Variants in FLNB observed in about 807,000 individuals in gnomAD.
FLNB encodes filamin-B.
Under a neutral mutation model 250.6 loss-of-function variants are expected in FLNB, and 111 were observed. The ratio of observed to expected loss-of-function variants is 0.44; its 90% CI spans 0.38 to 0.52. The LOEUF is 0.52. Among genes scored for constraint, FLNB ranks in the 20% least tolerant of loss-of-function variants. The pLI is 0.00. For synonymous variants in FLNB, 1,302 were observed against 1,372.1 expected (o/e 0.95, Z 1.13); for missense variants, 2,869 against 3,447.8 (o/e 0.83, Z 4.20).
chr3:58,080,760 G>C (rs1247650067), intron 3 of FLNB, among the ~76,000 whole-genome samples: 6 of 150,308 alleles, frequency 4.0e-5, no homozygotes, highest in Non-Finnish European at 8.9e-5. Context: ...CCAAAGTGCT[G>C]GGATTACAGG....
chr3:58,133,097 A>G (rs1001165966), intron 26 of FLNB, among the ~76,000 whole-genome samples, 166 bp downstream of exon 26: 6 of 151,594 alleles, frequency 4.0e-5, no homozygotes, highest in Admixed American at 6.6e-5. Context: ...CCATCAGTCC[A>G]TCCATCCATC....
chr3:58,026,210 C>T (rs1420477345), intron 1 of FLNB, among the ~76,000 whole-genome samples: 1 of 152,178 alleles, frequency 6.6e-6, no homozygotes, highest in Non-Finnish European at 1.5e-5. Context: ...GCCAGGGTTA[C>T]ATCCTCCATG....
intron 24 of FLNB, among the ~76,000 whole-genome samples, chr3:58,129,156 A>G (rs1229405028): frequency 6.6e-6 from 1 of 152,176 alleles, no homozygotes; most frequent in Admixed American, 6.5e-5. Flanking sequence ...ATTTTTAACA[A>G]CGTGTCCTGT....
rs1335061811 is a variant in FLNB, at chr3:58,170,868, C to T, written c.*106C>T. On this transcript the variant is annotated 3_prime_UTR_variant, in exon 46 of 46. Coordinates refer to ENST00000295956, the MANE Select transcript of FLNB (RefSeq NM_001457.4). Reference sequence around the variant, plus strand: ...CAGCCTGTTTGTGGGGCTGAAACCCCATCCCTAAAATATTGCTGTTGTAAA... The same window carrying T: ...CAGCCTGTTTGTGGGGCTGAAACCCTATCCCTAAAATATTGCTGTTGTAAA... 6 of 1,037,468 alleles carry T rather than the reference C, an allele frequency of 5.8e-6. No homozygotes were observed. The African/African-American group carries it at 9.5e-5, about 16-fold the overall frequency. 64.3% of individuals were successfully genotyped at this position (1,037,468 alleles called of 1,614,324 possible). A position where few individuals can be genotyped will look rare whatever the true frequency, so the allele number is the denominator to read the frequency against.
intron 25 of FLNB, 160 bp from the exon 26 acceptor site, chr3:58,132,648 A>AT (rs776491261): frequency 5.4e-5 from 47 of 870,784 alleles, no homozygotes; most frequent in Non-Finnish European, 7.6e-5. Context: ...GGATCCTGTG[A>AT]TTTTTTTCAG....
chr3:58,168,524 A>C lies in FLNB; in HGVS notation c.7283A>C (p.Lys2428Thr). ...SVTIEGPSKV[K>T]MDCQETPEGY... ...ACCATCGAAGGCCCATCCAAGGTTAAAATGGATTGCCAGGAAACACCTGAA... is the reference window on the plus strand; with the variant it reads ...ACCATCGAAGGCCCATCCAAGGTTACAATGGATTGCCAGGAAACACCTGAA... The change falls in exon 44 of 46, where the codon AAA becomes ACA. Residue 2428 changes from lysine to threonine, a missense_variant. By Grantham distance (78) the Lys-to-Thr change is moderately conservative. Around this residue, in one of 5 missense-constraint regions of FLNB, gnomAD observed 1,084 missense variants for 1,315.5 expected, o/e 0.82. Transcript: ENST00000295956. The C allele has an allele frequency of 3.1e-6, 5 of 1,614,244 alleles. No individual in the cohort carries two copies. Among genetic ancestry groups the C allele is most frequent in the Non-Finnish European group, 4.2e-6 (5 of 1,180,032 alleles).
At chr3:58,011,514 A>ATG (rs2097098899) in intron 1 of FLNB, among the ~76,000 whole-genome samples, 1 of 152,168 alleles carries the variant, frequency 6.6e-6, no homozygotes, top group African/African-American at 2.4e-5. Flanking sequence ...TGGAGACCAC[A>ATG]GAGAGCCCTG....
At position 58,171,029 on chromosome 3, in the gene FLNB, C is replaced by A; in HGVS notation, c.*267C>A. ...AACCAGAACTCTTGGTGGAACAGACCAGCCACTGCAGCAGACAGACCAGGA... is the reference window on the plus strand; with the variant it reads ...AACCAGAACTCTTGGTGGAACAGACAAGCCACTGCAGCAGACAGACCAGGA... On this transcript the variant is annotated 3_prime_UTR_variant, in exon 46 of 46. Transcript: ENST00000295956. The surrounding 1 kb of genome is among the most constrained non-coding windows in gnomAD (Gnocchi z 5.5). 1 of 461,156 alleles carries A rather than the reference C, an allele frequency of 2.2e-6. No individual in the cohort carries two copies. Among genetic ancestry groups the A allele is most frequent in the Non-Finnish European group, 4.0e-6 (1 of 252,246 alleles). 28.6% of individuals were successfully genotyped at this position (461,156 alleles called of 1,614,324 possible).
In FLNB at chr3:58,078,721, G is replaced by C. The variant is rs566497635; in HGVS notation, c.546G>C (p.Leu182=). 5 of 1,613,336 alleles carry C rather than the reference G, an allele frequency of 3.1e-6. No homozygotes were observed. Among genetic ancestry groups the C allele is most frequent in the Non-Finnish European group, 4.2e-6 (5 of 1,179,698 alleles). Residue 182 remains leucine (L), a synonymous_variant, in exon 3 of 46, where the codon CTG becomes CTC. Transcript: ENST00000295956. ...GALVDSCAPG[L]CPDWESWDPQ... is the part of the protein sequence containing the mutation. ...TCTTTTGTGTTCTGTTAACAGGTCTGTGCCCAGACTGGGAATCCTGGGACC... is the reference window on the plus strand; with the variant it reads ...TCTTTTGTGTTCTGTTAACAGGTCTCTGCCCAGACTGGGAATCCTGGGACC...
chr3:58,107,926 A>G (rs1167851041), intron 12 of FLNB, among the ~76,000 whole-genome samples: 1 of 152,234 alleles, frequency 6.6e-6, no homozygotes, highest in Non-Finnish European at 1.5e-5. Flanking sequence ...GAAACTGGGC[A>G]TGACTAGAGG....
rs556899528 is a variant in FLNB, at chr3:58,144,411, G to T, written c.5425+798G>T. On this transcript the variant is annotated intron_variant, in intron 32 of 45. Transcript: ENST00000295956. ...CTGGCCAATTTCAGAGTATTTTTAA[G>T]ACTCTCCATGCAAACGGAAATACAG... Among the ~76,000 whole-genome samples the T allele has an allele frequency of 5.3e-5, 8 of 152,282 alleles. No individual in the cohort carries two copies. In the South Asian group the frequency reaches 1.7e-3, roughly 32 times the overall value.
At chr3:58,083,700 C>T (rs74920478) in intron 4 of FLNB, among the ~76,000 whole-genome samples, 2,922 of 152,120 alleles carry the variant, frequency 0.019, 78 homozygotes, top group African/African-American at 0.054. Context: ...CCTCAGTGGT[C>T]GAGTCTTCTC....
rs371351468 is a variant in FLNB at position 58,138,743 on chromosome 3, C to T, written c.5109+214C>T. Among the ~76,000 whole-genome samples, 46 of 152,308 alleles carry T rather than the reference C, an allele frequency of 3.0e-4. No individual in the cohort carries two copies. The South Asian group carries it at 4.1e-3, about 14-fold the overall frequency. ...GTTTTTAGGGAATCTTACTGGCCAC[C>T]AAGGTGTCTATCATAATAAGGGACT... On this transcript the variant is annotated intron_variant, in intron 29 of 45. Coordinates refer to ENST00000295956, the MANE Select transcript of FLNB (RefSeq NM_001457.4).
At chr3:58,104,201 T>C in intron 10 of FLNB, 116 bp downstream of exon 10, 2 of 711,556 alleles carry the variant, frequency 2.8e-6, no homozygotes. Flanking sequence ...TTGAAAACTT[T>C]TTTTTTTTTT....
Position 58,138,267 on chromosome 3 carries a change from T to G in FLNB, c.4862-15T>G. 3 of 1,613,330 alleles carry G rather than the reference T, an allele frequency of 1.9e-6. No individual in the cohort carries two copies. The highest frequency in any genetic ancestry group is 2.5e-6 in the Non-Finnish European group (3 of 1,179,954). On this transcript the variant is annotated splice_polypyrimidine_tract_variant and intron_variant, in intron 28 of 45. Transcript: ENST00000295956. ...TGTCCATACTTCCATTCTCTTCCCC[T>G]GAACTCTTCTCCAGGTCCTGGAATC...
At position 58,123,150 on chromosome 3, in the gene FLNB, A is replaced by G. The variant is rs746648158; in HGVS notation, c.3184A>G (p.Thr1062Ala). Residue 1062 changes from threonine to alanine, a missense_variant, in exon 21 of 46, where the codon ACC becomes GCC. By Grantham distance (58) the Thr-to-Ala change is moderately conservative (BLOSUM62 0). Coordinates refer to ENST00000295956, the MANE Select transcript of FLNB (RefSeq NM_001457.4). ...GGLVGKPAEFTIDTKGAGTGG... is the reference protein window; with the variant it reads ...GGLVGKPAEFAIDTKGAGTGG... The stretch of plus-strand genomic sequence containing the variant: ...TCTCGTGGGCAAGCCTGCCGAGTTC[A>G]CCATCGATACCAAAGGAGCTGGTAC... 1.9e-6 allele frequency: 3 copies of G among 1,614,190 alleles called. No homozygotes were observed. Among genetic ancestry groups the G allele is most frequent in the Admixed American group, 3.3e-5 (2 of 60,030 alleles).
intron 43 of FLNB, chr3:58,165,331 A>C (rs369928886): frequency 6.6e-6 from 1 of 152,256 alleles, no homozygotes; most frequent in Non-Finnish European, 1.5e-5. Flanking sequence ...TTGCTCTTGC[A>C]GGGAAGCTCC....
intron 1 of FLNB, among the ~76,000 whole-genome samples, chr3:58,074,994 G>C (rs1293016167): frequency 6.6e-6 from 1 of 152,068 alleles, no homozygotes; most frequent in Non-Finnish European, 1.5e-5. Context: ...ATTTCTCTCT[G>C]ATGGTTTGGG....
chr3:58,147,525 C>A (rs1477121567), intron 34 of FLNB, among the ~76,000 whole-genome samples: 2 of 152,210 alleles, frequency 1.3e-5, no homozygotes, highest in African/African-American at 4.8e-5. Context: ...CAAGGCAGAT[C>A]CTGTTTCCCC....
Sources: allele counts gnomAD v4.1 joint callset (sites outside exome capture counted in the v4.1 genomes callset), GRCh38; gene constraint gnomAD v4.1.1; regional missense constraint gnomAD v4.1.1; non-coding constraint Gnocchi (gnomAD v3.1); transcripts MANE v1.5; gene names NCBI Gene and HGNC (gene_info 2026-07-23, HGNC 2026-07-21).